The following GALNT1 variants were observed in gnomAD, a reference collection of about 807,000 sequenced individuals.
The protein encoded by GALNT1 is GalNAc transferase 1.
GALNT1 carries 17 observed loss-of-function variants against 65.7 expected under a neutral mutation model. That is an observed-to-expected ratio of 0.26 (90% CI 0.18 to 0.39). GALNT1 has a LOEUF of 0.39. Ranked by LOEUF, GALNT1 falls within the 10% of genes least tolerant of loss-of-function variation. The probability of loss-of-function intolerance (pLI) is 1.00; values close to 1 mark genes in which losing one functional copy is unlikely to be tolerated. For missense variants in GALNT1, 460 were observed against 672.8 expected, an observed-to-expected ratio of 0.68 and a Z score of 3.50; for synonymous variants, 210 against 219.7, an observed-to-expected ratio of 0.96 and a Z score of 0.39.
chr18:35,664,751 A>G (rs927321857), intron 3 of GALNT1, among the ~76,000 whole-genome samples: 11 of 152,234 alleles, frequency 7.2e-5, no homozygotes, highest in African/African-American at 1.2e-4. Context: ...CAAGCAAACT[A>G]TACAGAAAAT....
chr18:35,629,737 G>A (rs1353408848), intron 1 of GALNT1, among the ~76,000 whole-genome samples: 1 of 151,938 alleles, frequency 6.6e-6, no homozygotes, highest in Non-Finnish European at 1.5e-5. Context: ...AAATGTAAAT[G>A]GGCTAAATTA....
rs764414924 is a variant in GALNT1, at chr18:35,709,807, G to C, written c.*37G>C. ...CAAAAAAACGAAAAAAATAAGGATT[G>C]ACTGGGCTACCTCAGCATACATTTC... On this transcript the variant is annotated 3_prime_UTR_variant, in exon 12 of 12. Transcript: ENST00000269195. 1 of 1,610,516 alleles carries C rather than the reference G, an allele frequency of 6.2e-7. No homozygotes were observed. The highest frequency in any genetic ancestry group is 1.7e-5 in the Admixed American group (1 of 59,890).
intron 1 of GALNT1, among the ~76,000 whole-genome samples, chr18:35,642,119 C>G (rs1235372506): frequency 6.6e-6 from 1 of 152,170 alleles, no homozygotes; most frequent in East Asian, 1.9e-4. Flanking sequence ...AAAATATTTA[C>G]TGACCTCTTC....
intron 6 of GALNT1, among the ~76,000 whole-genome samples, chr18:35,688,693 T>C (rs1387463840): frequency 6.6e-6 from 1 of 152,224 alleles, no homozygotes; most frequent in African/African-American, 2.4e-5. Context: ...GTTTATCTTA[T>C]GTATTTATAC....
upstream of GALNT1, among the ~76,000 whole-genome samples, chr18:35,581,458 CCCGCGCAGCCGCACGGGCCGCCG>C (rs2046311957): frequency 6.8e-6 from 1 of 146,154 alleles, no homozygotes; most frequent in African/African-American, 2.5e-5. Flanking sequence ...CCCCGCCTCC[CCCGCGCAGCCGCACGGGCCGCCG>C]CCGCCGCTGC....
At position 35,710,855 on chromosome 18, in the gene GALNT1, T is replaced by A. The variant is rs533664021; in HGVS notation, c.*1085T>A. 1 of 152,762 alleles carries A rather than the reference T, an allele frequency of 6.5e-6. No individual in the cohort carries two copies. Among genetic ancestry groups the A allele is most frequent in the African/African-American group, 2.4e-5 (1 of 41,584 alleles). The allele number at this position is 152,762 out of a possible 1,614,324, so 9.5% of individuals were successfully genotyped here. ...TTATTATTTGGGTATTTGGAGATAA[T>A]ACATTTGATGGTTTTTTGGAAAACC... is the stretch of plus-strand genomic sequence containing the variant. On this transcript the variant is annotated 3_prime_UTR_variant, in exon 12 of 12. Coordinates refer to ENST00000269195, the MANE Select transcript of GALNT1 (RefSeq NM_020474.4).
intron 1 of GALNT1, among the ~76,000 whole-genome samples, chr18:35,636,795 T>G (rs1008391366): frequency 0.014 from 2,099 of 149,182 alleles, 32 homozygotes; most frequent in African/African-American, 0.026. Context: ...TTTTTTTTTT[T>G]TTTTTTTTTT....
intron 1 of GALNT1, among the ~76,000 whole-genome samples, chr18:35,616,506 G>A (rs2046785245): frequency 6.6e-6 from 1 of 152,110 alleles, no homozygotes; most frequent in Non-Finnish European, 1.5e-5. Context: ...TATTGCTTTG[G>A]ACACTGGGTG....
intron 8 of GALNT1, 127 bp from the exon 9 acceptor site, chr18:35,692,054 T>C: frequency 1.4e-6 from 1 of 727,348 alleles, no homozygotes; most frequent in South Asian, 2.0e-5. Context: ...GTGTCTCCAC[T>C]TGTATAGTCA....
chr18:35,682,351 A>G (rs1174366874), intron 4 of GALNT1, among the ~76,000 whole-genome samples: 1 of 152,128 alleles, frequency 6.6e-6, no homozygotes, highest in African/African-American at 2.4e-5. Context: ...CCACCTCACT[A>G]TGTAGGAAGC....
chr18:35,703,319 G>A (rs2048198004), intron 10 of GALNT1, among the ~76,000 whole-genome samples, 190 bp from the exon 11 acceptor site: 1 of 152,122 alleles, frequency 6.6e-6, no homozygotes, highest in Non-Finnish European at 1.5e-5. Context: ...TTGTAAGCAA[G>A]AAAATGAGTA....
intron 1 of GALNT1, among the ~76,000 whole-genome samples, chr18:35,617,059 C>T (rs1008482941): frequency 4.6e-5 from 7 of 151,976 alleles, no homozygotes; most frequent in African/African-American, 1.5e-4. Context: ...GCAGCAGTGA[C>T]GGGTGAATGT....
rs527617791 is a variant in GALNT1 at position 35,700,677 on chromosome 18, C to T, written c.1300-2220C>T. ...ATCTCTTACAAAATAGAGGCAGGGTCTCATCATGTTGGCCAGGTAGGTCCC... is the reference window on the plus strand; with the variant it reads ...ATCTCTTACAAAATAGAGGCAGGGTTTCATCATGTTGGCCAGGTAGGTCCC... On this transcript the variant is annotated intron_variant, in intron 9 of 11. Transcript: ENST00000269195. Among the ~76,000 whole-genome samples the T allele has an allele frequency of 2.0e-5, 3 of 152,284 alleles. No individual in the cohort carries two copies. In the East Asian group the frequency reaches 5.8e-4, roughly 29 times the overall value.
Position 35,606,170 on chromosome 18 carries a change from G to A in GALNT1, c.-104+24308G>A, listed in dbSNP as rs114840230. On this transcript the variant is annotated intron_variant, in intron 1 of 11. Transcript: ENST00000269195. ...GATTGTTGCCAGCACCATTGTAGAA[G>A]GAAAGAGAGCAGGGCAAATTGTGTG... Among the ~76,000 whole-genome samples the A allele has an allele frequency of 2.7e-3, 417 of 152,302 alleles. 1 individual carries two copies. Among genetic ancestry groups the A allele is most frequent in the African/African-American group, 9.4e-3 (391 of 41,570 alleles).
chr18:35,583,805 AAGAT>A (rs1167274090), intron 1 of GALNT1, among the ~76,000 whole-genome samples: 1 of 152,178 alleles, frequency 6.6e-6, no homozygotes, highest in Admixed American at 6.5e-5. Flanking sequence ...AGTCAAAATG[AAGAT>A]AGATCTGTTT....
intron 1 of GALNT1, among the ~76,000 whole-genome samples, chr18:35,614,721 T>C (rs182780397): frequency 3.2e-4 from 48 of 152,214 alleles, no homozygotes; most frequent in African/African-American, 1.1e-3. Flanking sequence ...ATGATTGATA[T>C]AGTAAAATTT....
chr18:35,604,268 C>T (rs563133939), intron 1 of GALNT1, among the ~76,000 whole-genome samples: 81 of 152,232 alleles, frequency 5.3e-4, no homozygotes, highest in African/African-American at 1.7e-3. Context: ...TAAATGGCTG[C>T]GTGGTACTCC....
chr18:35,661,224 A>C (rs562153761), intron 2 of GALNT1, among the ~76,000 whole-genome samples: 69 of 152,084 alleles, frequency 4.5e-4, no homozygotes, highest in African/African-American at 1.6e-3. Flanking sequence ...CATGGCTGGG[A>C]GCGGTGGCTC....
intron 3 of GALNT1, among the ~76,000 whole-genome samples, chr18:35,665,269 A>C (rs960694384): frequency 1.3e-5 from 2 of 152,238 alleles, no homozygotes; most frequent in African/African-American, 4.8e-5. Flanking sequence ...TAAAATGAGA[A>C]TAGGATATTA....
Sources: gnomAD v4.1 joint callset for allele counts (sites outside exome capture counted in the v4.1 genomes callset) on GRCh38, gnomAD v4.1.1 for gene constraint, MANE v1.5 for transcripts, NCBI Gene and HGNC (gene_info 2026-07-23, HGNC 2026-07-21) for gene names.